GLIPR1: variants seen among roughly 807,000 people sequenced by gnomAD.
GLIPR1 encodes the protein GLI pathogenesis related 1, also known as glioma pathogenesis-related protein 1.
GLIPR1 carries 38 observed loss-of-function variants against 30.3 expected under a neutral mutation model. That is an observed-to-expected ratio of 1.26 (90% CI 0.97 to 1.65). The LOEUF (loss-of-function observed/expected upper bound fraction) is 1.65. GLIPR1 is among the 40% of genes most tolerant of loss of function. The probability of loss-of-function intolerance (pLI) is 0.00; values close to 1 mark genes in which losing one functional copy is unlikely to be tolerated. For missense variants in GLIPR1, 285 were observed against 326.5 expected, an observed-to-expected ratio of 0.87 and a Z score of 0.98; for synonymous variants, 122 against 110.6, an observed-to-expected ratio of 1.10 and a Z score of -0.65.
rs1464488411 is a variant in GLIPR1, at chr12:75,498,601, T to C, written c.620-93T>C. ...CTGCAATAAAGCCAAAGCAAGTTAA[T>C]GGTCATAATTATAAGACTTAGCTTT... On this transcript the variant is annotated intron_variant, in intron 4 of 5. Coordinates refer to ENST00000266659, the MANE Select transcript of GLIPR1 (RefSeq NM_006851.3). 15 of 978,738 alleles carry C rather than the reference T, an allele frequency of 1.5e-5. No homozygotes were observed. The South Asian group carries it at 1.7e-4, about 11-fold the overall frequency. 60.6% of individuals were successfully genotyped at this position (978,738 alleles called of 1,614,324 possible). A position where few individuals can be genotyped will look rare whatever the true frequency, so the allele number is the denominator to read the frequency against.
intron 3 of GLIPR1, chr12:75,494,708 A>G (rs2046340446): frequency 6.6e-6 from 1 of 152,060 alleles, no homozygotes; most frequent in Admixed American, 6.6e-5. Context: ...GCAGAGTTCC[A>G]AAAAAAATTA....
At position 75,481,935 on chromosome 12, in the gene GLIPR1, C is replaced by T. The variant is rs1234192153; in HGVS notation, c.276C>T (p.Asn92=). The part of the protein sequence containing the change: ...RLKPPHKLHP[N]FTSLGENIWT... ...AGCCACCCCACAAGCTGCACCCAAA[C>T]TTCACTTCACTGGGAGAGAACATCT... Residue 92 remains asparagine, a synonymous_variant, in exon 2 of 6, where the codon AAC becomes AAT. Coordinates refer to ENST00000266659, the MANE Select transcript of GLIPR1 (RefSeq NM_006851.3). The T allele has an allele frequency of 5.0e-6, 8 of 1,614,088 alleles. No individual in the cohort carries two copies. The Admixed American group carries it at 5.0e-5, about 10-fold the overall frequency.
chr12:75,487,699 C>T (rs2046299991), intron 2 of GLIPR1: 1 of 451,194 alleles, frequency 2.2e-6, no homozygotes, highest in Non-Finnish European at 4.5e-6. Context: ...AGACTCCAAC[C>T]TCAGCTCCCC....
In GLIPR1 at chr12:75,485,161, G is replaced by A. The variant is rs1383815535; in HGVS notation, c.420+3082G>A. On this transcript the variant is annotated intron_variant, in intron 2 of 5. Coordinates refer to ENST00000266659, the MANE Select transcript of GLIPR1 (RefSeq NM_006851.3). ...TCCTCATCTTCTCTTCAAAAATCGA[G>A]CTATTTGCAGATTTTGGCTGATGAT... Among the ~76,000 whole-genome samples, 3 of 152,144 alleles carry A rather than the reference G, an allele frequency of 2.0e-5. No homozygotes were observed. In the East Asian group the frequency reaches 5.8e-4, roughly 29 times the overall value.
In GLIPR1 at chr12:75,496,807, A is replaced by G. The variant is rs1026999694; in HGVS notation, c.619+1145A>G. On this transcript the variant is annotated intron_variant, in intron 4 of 5. Transcript: ENST00000266659. ...TGCAGGCCTAAAATTATAAAATTCTATATATTAAACTGCTTGCTCTCCTCC... is the reference window on the plus strand; with the variant it reads ...TGCAGGCCTAAAATTATAAAATTCTGTATATTAAACTGCTTGCTCTCCTCC... The G allele has an allele frequency of 2.0e-5, 3 of 152,164 alleles. No homozygotes were observed. In the South Asian group the frequency reaches 6.2e-4, roughly 32 times the overall value. 9.4% of individuals were successfully genotyped at this position (152,164 alleles called of 1,614,324 possible). A position where few individuals can be genotyped will look rare whatever the true frequency, so the allele number is the denominator to read the frequency against.
At chr12:75,482,817 T>C (rs1451534906) in intron 2 of GLIPR1, among the ~76,000 whole-genome samples, 1 of 151,832 alleles carries the variant, frequency 6.6e-6, no homozygotes, top group Non-Finnish European at 1.5e-5. Context: ...GCATCTGTCA[T>C]AATTGTCTTC....
In GLIPR1 at chr12:75,495,859, A is replaced by G. The variant is rs535509330; in HGVS notation, c.619+197A>G. On this transcript the variant is annotated intron_variant, in intron 4 of 5. Coordinates refer to ENST00000266659, the MANE Select transcript of GLIPR1 (RefSeq NM_006851.3). ...TAAATGTGAAAATCACGTTCTTTTTATTTAGTTCTAATTGGTCAAACAACA... is the reference window on the plus strand; with the variant it reads ...TAAATGTGAAAATCACGTTCTTTTTGTTTAGTTCTAATTGGTCAAACAACA... 6.5e-4 allele frequency: 263 copies of G among 405,224 alleles called. 4 individuals are homozygous for G. The South Asian group carries it at 0.015, about 24-fold the overall frequency. The allele number at this position is 405,224 out of a possible 1,614,324, so 25.1% of individuals were successfully genotyped here.
In GLIPR1 at chr12:75,500,576, T is replaced by A. The variant is rs2046386281; in HGVS notation, c.*1598T>A. 3 of 152,104 alleles carry A rather than the reference T, an allele frequency of 2.0e-5. No individual in the cohort carries two copies. In the South Asian group the frequency reaches 6.2e-4, roughly 31 times the overall value. 9.4% of individuals were successfully genotyped at this position (152,104 alleles called of 1,614,324 possible). A position where few individuals can be genotyped will look rare whatever the true frequency, so the allele number is the denominator to read the frequency against. ...ATAGTATTTTAACAAGATTTTGGTA[T>A]ATTTAACAACATTTTGGTAATAAAG... On this transcript the variant is annotated 3_prime_UTR_variant, in exon 6 of 6. Coordinates refer to ENST00000266659, the MANE Select transcript of GLIPR1 (RefSeq NM_006851.3).
chr12:75,501,314 C>T lies in GLIPR1; in HGVS notation c.*2336C>T, dbSNP rs934595294. 1.8e-5 allele frequency: 3 copies of T among 164,420 alleles called. No homozygotes were observed. The highest frequency in any genetic ancestry group is 4.0e-5 in the Non-Finnish European group (3 of 75,316). 10.2% of individuals were successfully genotyped at this position (164,420 alleles called of 1,614,324 possible). On this transcript the variant is annotated 3_prime_UTR_variant, in exon 6 of 6. Coordinates refer to ENST00000266659, the MANE Select transcript of GLIPR1 (RefSeq NM_006851.3). ...TAAGGTGATGAGAAATCCATGTTACCGATATAGAAGCCAAACTCTAAGCCA... is the reference window on the plus strand; with the variant it reads ...TAAGGTGATGAGAAATCCATGTTACTGATATAGAAGCCAAACTCTAAGCCA...
Position 75,501,720 on chromosome 12 carries a change from T to C in GLIPR1, c.*2742T>C. The stretch of plus-strand genomic sequence containing the variant: ...AAGACTTTTACATCATAGAAAGCAT[T>C]ACCTTCCTTAGGTTTCACAATTGGT... On this transcript the variant is annotated 3_prime_UTR_variant, in exon 6 of 6. Coordinates refer to ENST00000266659, the MANE Select transcript of GLIPR1 (RefSeq NM_006851.3). The C allele has an allele frequency of 1.3e-6, 2 of 1,581,412 alleles. No individual in the cohort carries two copies. The highest frequency in any genetic ancestry group is 1.7e-6 in the Non-Finnish European group (2 of 1,156,368).
intron 2 of GLIPR1, among the ~76,000 whole-genome samples, chr12:75,483,259 A>G (rs2046279540): frequency 6.6e-6 from 1 of 152,222 alleles, no homozygotes; most frequent in African/African-American, 2.4e-5. Context: ...GGGAGTAGAA[A>G]GCTAAATCTA....
At chr12:75,494,322 TTTCA>T (rs1196534314) in intron 3 of GLIPR1, 2 of 152,218 alleles carry the variant, frequency 1.3e-5, no homozygotes, top group African/African-American at 4.8e-5. Flanking sequence ...TAACATTTCC[TTTCA>T]TTATGAATGA....
chr12:75,487,281 A>AG (rs1233866053), intron 2 of GLIPR1, among the ~76,000 whole-genome samples: 1 of 152,256 alleles, frequency 6.6e-6, no homozygotes, highest in Non-Finnish European at 1.5e-5. Flanking sequence ...GGTCTGGGAC[A>AG]GGCCCAAGAT....
Position 75,503,494 on chromosome 12 carries a change from C to T in GLIPR1, c.*4516C>T, listed in dbSNP as rs988776655. 6.5e-6 allele frequency: 1 copy of T among 152,778 alleles called. No homozygotes were observed. The highest frequency in any genetic ancestry group is 2.1e-4 in the South Asian group (1 of 4,854). The allele number at this position is 152,778 out of a possible 1,614,324, so 9.5% of individuals were successfully genotyped here. A position where few individuals can be genotyped will look rare whatever the true frequency, so the allele number is the denominator to read the frequency against. ...GGAAAGGAAATGAAGCAGAAGACAC[C>T]TGACAAAAGGAATCATAACTTAGAA... On this transcript the variant is annotated 3_prime_UTR_variant, in exon 6 of 6. Coordinates refer to ENST00000266659, the MANE Select transcript of GLIPR1 (RefSeq NM_006851.3).
Position 75,503,849 on chromosome 12 carries a change from C to T in GLIPR1, c.*4871C>T. 6.8e-7 allele frequency: 1 copy of T among 1,474,672 alleles called. No homozygotes were observed. The highest frequency in any genetic ancestry group is 2.2e-4 in the Middle Eastern group (1 of 4,522). The allele number at this position is 1,474,672 out of a possible 1,614,324, so 91.3% of individuals were successfully genotyped here. On this transcript the variant is annotated 3_prime_UTR_variant, in exon 6 of 6. Coordinates refer to ENST00000266659, the MANE Select transcript of GLIPR1 (RefSeq NM_006851.3). The stretch of plus-strand genomic sequence containing the variant: ...GAAATACTTTCAATAAAGTTTCTGA[C>T]CAAATACATTAAAATAGATTCTCCT...
intron 4 of GLIPR1, 177 bp downstream of exon 4, chr12:75,495,839 G>A (rs955391006): frequency 6.1e-5 from 26 of 428,984 alleles, no homozygotes; most frequent in Non-Finnish European, 1.1e-4. Flanking sequence ...AAATTTAAAT[G>A]TGAAAATCAC....
intron 2 of GLIPR1, 146 bp from the exon 3 acceptor site, chr12:75,490,260 T>C (rs1424488835): frequency 1.7e-6 from 1 of 598,694 alleles, no homozygotes; most frequent in Non-Finnish European, 3.0e-6. Flanking sequence ...TACAGGTCTA[T>C]CCAGCTGATT....
chr12:75,503,128 T>G lies in GLIPR1; in HGVS notation c.*4150T>G, dbSNP rs181695428. 4.0e-5 allele frequency: 6 copies of G among 151,784 alleles called. No homozygotes were observed. In the South Asian group the frequency reaches 1.0e-3, roughly 26 times the overall value. 9.4% of individuals were successfully genotyped at this position (151,784 alleles called of 1,614,324 possible). A position where few individuals can be genotyped will look rare whatever the true frequency, so the allele number is the denominator to read the frequency against. The stretch of plus-strand genomic sequence containing the variant: ...GTGAAGATGGAATTCAAAGAACACA[T>G]AGAAGAGGCTGATGCAGGTGGAAGA... On this transcript the variant is annotated 3_prime_UTR_variant, in exon 6 of 6. Coordinates refer to ENST00000266659, the MANE Select transcript of GLIPR1 (RefSeq NM_006851.3).
intron 2 of GLIPR1, chr12:75,483,438 G>C (rs964229388): frequency 3.9e-5 from 6 of 152,196 alleles, no homozygotes; most frequent in African/African-American, 1.2e-4. Flanking sequence ...TTGGAAAACA[G>C]AGCCTGAGAC....
Sources: allele counts gnomAD v4.1 joint callset (sites outside exome capture counted in the v4.1 genomes callset), GRCh38; gene constraint gnomAD v4.1.1; transcripts MANE v1.5; gene names NCBI Gene and HGNC (gene_info 2026-07-23, HGNC 2026-07-21).